NBEA: variants seen among roughly 807,000 people sequenced by gnomAD.
NBEA encodes neurobeachin.
Under a neutral mutation model 343.4 loss-of-function variants are expected in NBEA, and 44 were observed. The ratio of observed to expected loss-of-function variants is 0.13; its 90% CI spans 0.10 to 0.16. NBEA has a LOEUF of 0.16. NBEA is among the 10% of genes least tolerant of loss of function. The probability of loss-of-function intolerance (pLI) is 1.00; values close to 1 mark genes in which losing one functional copy is unlikely to be tolerated. For missense variants in NBEA, 2,555 were observed against 3,631.3 expected, an observed-to-expected ratio of 0.70 and a Z score of 7.62; for synonymous variants, 1,175 against 1,238.7, an observed-to-expected ratio of 0.95 and a Z score of 1.08.
intron 37 of NBEA, among the ~76,000 whole-genome samples, chr13:35,349,855 C>T (rs2040088441): frequency 6.6e-6 from 1 of 152,034 alleles, no homozygotes; most frequent in Non-Finnish European, 1.5e-5. Flanking sequence ...GTGAGTCATA[C>T]AAGTTGATAG....
intron 45 of NBEA, among the ~76,000 whole-genome samples, chr13:35,576,847 T>G (rs1482224127): frequency 6.6e-6 from 1 of 152,228 alleles, no homozygotes; most frequent in Non-Finnish European, 1.5e-5. Context: ...CTTAATAATT[T>G]TTGACAATCT....
intron 43 of NBEA, among the ~76,000 whole-genome samples, chr13:35,553,916 C>G (rs1473496857): frequency 6.6e-6 from 1 of 152,076 alleles, no homozygotes; most frequent in Non-Finnish European, 1.5e-5. Flanking sequence ...TTTTCAGTGA[C>G]ACCTCTGAGA....
chr13:34,947,776 G>A (rs2059231182), intron 1 of NBEA, among the ~76,000 whole-genome samples: 1 of 152,212 alleles, frequency 6.6e-6, no homozygotes, highest in African/African-American at 2.4e-5. Context: ...AGTTTCTGAA[G>A]TTATGTTCAA....
intron 41 of NBEA, among the ~76,000 whole-genome samples, chr13:35,522,702 C>G (rs1316585876): frequency 1.3e-5 from 2 of 151,904 alleles, no homozygotes; most frequent in Non-Finnish European, 2.9e-5. Flanking sequence ...CACCTCCTGT[C>G]AGATCAGCGG....
chr13:35,386,532 A>G lies in NBEA; in HGVS notation c.6179+34209A>G, dbSNP rs142060876. On this transcript the variant is annotated intron_variant, in intron 38 of 58. Coordinates refer to ENST00000379939, the MANE Select transcript of NBEA (RefSeq NM_001385012.1). Reference sequence around the variant, plus strand: ...CTCTTTTTAATTCTAAATATTTACAATAGCTCATTATAAAATAACTATAGG... The same window carrying G: ...CTCTTTTTAATTCTAAATATTTACAGTAGCTCATTATAAAATAACTATAGG... Among the ~76,000 whole-genome samples the G allele has an allele frequency of 8.7e-4, 132 of 152,292 alleles. 1 individual carries two copies. Among genetic ancestry groups the G allele is most frequent in the African/African-American group, 2.0e-3 (84 of 41,580 alleles).
chr13:35,398,449 G>A (rs901056230), intron 38 of NBEA, among the ~76,000 whole-genome samples: 1 of 152,092 alleles, frequency 6.6e-6, no homozygotes, highest in East Asian at 1.9e-4. Context: ...ACTAGCTATA[G>A]CATTACAAAA....
At chr13:35,487,444 A>G (rs2076343165) in intron 41 of NBEA, among the ~76,000 whole-genome samples, 1 of 152,124 alleles carries the variant, frequency 6.6e-6, no homozygotes, top group Admixed American at 6.6e-5. Context: ...ATTCTGCCGC[A>G]TAAGTCAGAC....
chr13:35,585,875 C>G (rs1431546274), intron 46 of NBEA, among the ~76,000 whole-genome samples: 1 of 152,166 alleles, frequency 6.6e-6, no homozygotes, highest in Admixed American at 6.5e-5. Flanking sequence ...CTAAATATCT[C>G]TATCTCCTTT....
chr13:35,458,259 C>T (rs2046693866), intron 40 of NBEA, among the ~76,000 whole-genome samples: 1 of 152,170 alleles, frequency 6.6e-6, no homozygotes, highest in Non-Finnish European at 1.5e-5. Context: ...AGCCGCCCCA[C>T]CACATTTTGA....
intron 34 of NBEA, among the ~76,000 whole-genome samples, chr13:35,270,149 A>T (rs972678796): frequency 6.6e-6 from 1 of 152,216 alleles, no homozygotes; most frequent in South Asian, 2.1e-4. Flanking sequence ...CCAAATGTTT[A>T]CTAAATGTAG....
At chr13:35,550,309 C>T (rs2079256470) in intron 41 of NBEA, among the ~76,000 whole-genome samples, 168 bp from the exon 42 acceptor site, 1 of 152,112 alleles carries the variant, frequency 6.6e-6, no homozygotes, top group Non-Finnish European at 1.5e-5. Flanking sequence ...AACTAAGACA[C>T]TTTAGAAAGG....
chr13:35,205,097 A>G (rs998502179), intron 31 of NBEA, among the ~76,000 whole-genome samples: 4 of 152,116 alleles, frequency 2.6e-5, no homozygotes, highest in South Asian at 2.1e-4. Flanking sequence ...GATTGCTAAG[A>G]AAGAGAATGG....
chr13:35,175,409 A>C (rs1437840033), intron 27 of NBEA, among the ~76,000 whole-genome samples: 1 of 152,196 alleles, frequency 6.6e-6, no homozygotes, highest in Non-Finnish European at 1.5e-5. Flanking sequence ...TGAAACGAAT[A>C]AATAGTATTT....
At chr13:35,573,299 C>T (rs1026341980) in intron 45 of NBEA, among the ~76,000 whole-genome samples, 1 of 152,126 alleles carries the variant, frequency 6.6e-6, no homozygotes, top group African/African-American at 2.4e-5. Flanking sequence ...CTACTCTGTG[C>T]CAGACACTGG....
At chr13:35,210,701 A>T (rs750107206) in intron 32 of NBEA, among the ~76,000 whole-genome samples, 11 of 152,156 alleles carry the variant, frequency 7.2e-5, no homozygotes, top group Non-Finnish European at 1.3e-4. Flanking sequence ...AAAACCAAAA[A>T]TATTACAATG....
intron 38 of NBEA, among the ~76,000 whole-genome samples, chr13:35,388,254 A>C (rs545194848): frequency 1.3e-5 from 2 of 152,266 alleles, no homozygotes; most frequent in South Asian, 4.1e-4. Flanking sequence ...AATTTATTAC[A>C]TTTGGCAAAA....
intron 1 of NBEA, among the ~76,000 whole-genome samples, chr13:34,987,693 A>G (rs1593374254): frequency 6.6e-6 from 1 of 150,390 alleles, no homozygotes; most frequent in Non-Finnish European, 1.5e-5. Flanking sequence ...TTGTTCATTT[A>G]TTTTTACTCT....
At position 35,020,581 on chromosome 13, in the gene NBEA, C is replaced by T. The variant is rs59792179; in HGVS notation, c.295-20352C>T. Among the ~76,000 whole-genome samples, 968 of 152,272 alleles carry T rather than the reference C, an allele frequency of 6.4e-3. 11 individuals carry two copies. The highest frequency in any genetic ancestry group is 0.022 in the African/African-American group (926 of 41,550). ...TCACCCAAGCTGGAGGGCGGTGGCA[C>T]GATCTTGCTTTACTGCAACGTCTGC... On this transcript the variant is annotated intron_variant, in intron 1 of 58. Coordinates refer to ENST00000379939, the MANE Select transcript of NBEA (RefSeq NM_001385012.1).
At chr13:35,652,340 T>TA (rs35238270) in intron 53 of NBEA, among the ~76,000 whole-genome samples, 12,323 of 137,518 alleles carry the variant, frequency 0.09, 707 homozygotes, top group African/African-American at 0.16. Flanking sequence ...AACTTAAATT[T>TA]AAAAAAAAAA....
Sources: gnomAD v4.1 joint callset for allele counts (sites outside exome capture counted in the v4.1 genomes callset) on GRCh38, gnomAD v4.1.1 for gene constraint, MANE v1.5 for transcripts, NCBI Gene and HGNC (gene_info 2026-07-23, HGNC 2026-07-21) for gene names.